CYP4F3: variants seen among roughly 807,000 people sequenced by gnomAD.
The protein encoded by CYP4F3 is cytochrome P450 family 4 subfamily F member 3.
In CYP4F3, 50 loss-of-function variants were observed where a neutral mutation model predicts 54.8. That is an observed-to-expected ratio of 0.91 (90% CI 0.73 to 1.16). The LOEUF is 1.16. Among genes scored for constraint, CYP4F3 ranks in the 50% most tolerant of loss-of-function variants. The pLI is 0.00. For synonymous variants in CYP4F3, 244 were observed against 262.6 expected (o/e 0.93, Z 0.69); for missense variants, 715 against 676.2 (o/e 1.06, Z -0.64).
chr19:15,654,887 C>T lies in CYP4F3; in HGVS notation c.1115+1935C>T, dbSNP rs539640689. ...GATAGAAATTTCTTCTCTTTCTTTT[C>T]AGTAGTGGAATTTCTGGGTTATATG... On this transcript the variant is annotated intron_variant, in intron 9 of 12. Transcript: ENST00000221307. Among the ~76,000 whole-genome samples, 104 of 152,194 alleles carry T rather than the reference C, an allele frequency of 6.8e-4. No individual in the cohort carries two copies. The Middle Eastern group carries it at 0.01, about 15-fold the overall frequency.
In CYP4F3 at chr19:15,660,978, A is replaced by G. The variant is rs569627948; in HGVS notation, c.*1593A>G. 16 of 152,262 alleles carry G rather than the reference A, an allele frequency of 1.1e-4. No individual in the cohort carries two copies. Among genetic ancestry groups the G allele is most frequent in the Non-Finnish European group, 1.3e-4 (9 of 68,054 alleles). The allele number at this position is 152,262 out of a possible 1,614,324, so 9.4% of individuals were successfully genotyped here. On this transcript the variant is annotated 3_prime_UTR_variant, in exon 13 of 13. Transcript: ENST00000221307. Reference sequence around the variant, plus strand: ...GTGATCCACCCGCCTCGGCCTCCCAAAGTGCTGGGATTACAGGCCCGGTCC... The same window carrying G: ...GTGATCCACCCGCCTCGGCCTCCCAGAGTGCTGGGATTACAGGCCCGGTCC...
intron 2 of CYP4F3, among the ~76,000 whole-genome samples, chr19:15,645,323 TG>T (rs1309326389): frequency 2.0e-5 from 3 of 152,200 alleles, no homozygotes; most frequent in African/African-American, 7.2e-5. Context: ...GCTACTGTTT[TG>T]GGGGCACAAA....
rs1242831058 is a variant in CYP4F3, at chr19:15,659,973, T to A, written c.*588T>A. The A allele has an allele frequency of 6.6e-6, 1 of 152,366 alleles. No individual in the cohort carries two copies. The highest frequency in any genetic ancestry group is 2.4e-5 in the African/African-American group (1 of 41,466). The allele number at this position is 152,366 out of a possible 1,614,324, so 9.4% of individuals were successfully genotyped here. Reference sequence around the variant, plus strand: ...GTGAGTGCACTAAATGCTATTGAATTGGACACTTTAGAATGGTTGAAATAG... The same window carrying A: ...GTGAGTGCACTAAATGCTATTGAATAGGACACTTTAGAATGGTTGAAATAG... On this transcript the variant is annotated 3_prime_UTR_variant, in exon 13 of 13. Coordinates refer to ENST00000221307, the MANE Select transcript of CYP4F3 (RefSeq NM_000896.3).
At chr19:15,653,506 C>A (rs28371538) in intron 9 of CYP4F3, among the ~76,000 whole-genome samples, 7,455 of 152,206 alleles carry the variant, frequency 0.049, 280 homozygotes, top group South Asian at 0.19. Flanking sequence ...AACCAGGGAT[C>A]TATTTTCCAG....
chr19:15,658,460 ATT>A (rs1973091467), intron 10 of CYP4F3, 29 bp from the exon 11 acceptor site: 1 of 1,613,718 alleles, frequency 6.2e-7, no homozygotes, highest in Non-Finnish European at 8.5e-7. Flanking sequence ...GGCAGGGAGC[ATT>A]GTCCTGACTG....
At chr19:15,643,109 G>C (rs2144630699) in intron 2 of CYP4F3, among the ~76,000 whole-genome samples, 1 of 150,028 alleles carries the variant, frequency 6.7e-6, no homozygotes, top group Non-Finnish European at 1.5e-5. Context: ...TGGGCAGATA[G>C]ATATATAGAT....
At chr19:15,658,839 CG>C (rs1301450650) in intron 12 of CYP4F3, 30 bp downstream of exon 12, 15 of 1,611,896 alleles carry the variant, frequency 9.3e-6, no homozygotes, top group Non-Finnish European at 1.1e-5. Flanking sequence ...GAGGCGGGGA[CG>C]GGGAGATAGG....
Position 15,659,308 on chromosome 19 carries a change from A to T in CYP4F3, c.1486A>T (p.Thr496Ser), listed in dbSNP as rs761890395. 4.3e-5 allele frequency: 70 copies of T among 1,613,494 alleles called. No homozygotes were observed. The highest frequency in any genetic ancestry group is 5.8e-5 in the Non-Finnish European group (69 of 1,179,852). ...GCGCTTCCGCGTCCTGCCTGACCAC[A>T]CCGAGCCCCGCAGGAAGCCGGAGCT... ...LLRFRVLPDHTEPRRKPELVL... is the reference protein window; with the variant it reads ...LLRFRVLPDHSEPRRKPELVL... Residue 496 changes from threonine (T) to serine (S), a missense_variant, in exon 13 of 13, where the codon ACC (threonine) becomes TCC (serine). By Grantham distance (58) the Thr-to-Ser change is moderately conservative. Transcript: ENST00000221307.
chr19:15,651,368 T>A (rs1386349861), intron 7 of CYP4F3, among the ~76,000 whole-genome samples: 3 of 92,322 alleles, frequency 3.2e-5, no homozygotes, highest in Admixed American at 1.2e-4. Flanking sequence ...ATCTATATCT[T>A]TGTCTTTTTT....
intron 9 of CYP4F3, among the ~76,000 whole-genome samples, chr19:15,653,760 GA>G (rs1972936400): frequency 1.3e-5 from 2 of 150,198 alleles, no homozygotes; most frequent in Non-Finnish European, 3.0e-5. Flanking sequence ...GAGAGAGAGA[GA>G]GAGAGAGAGA....
At chr19:15,650,408 TAA>T in intron 7 of CYP4F3, 1 of 831,140 alleles carries the variant, frequency 1.2e-6, no homozygotes. Flanking sequence ...ACTCTATTTA[TAA>T]GTTAATAAGC....
intron 5 of CYP4F3, among the ~76,000 whole-genome samples, chr19:15,648,525 G>A (rs1177579043): frequency 6.6e-6 from 1 of 152,076 alleles, no homozygotes; most frequent in African/African-American, 2.4e-5. Flanking sequence ...CAGAAAGGGT[G>A]CTCAGGACTC....
In CYP4F3 at chr19:15,662,670, T is replaced by C. The variant is rs1467702679; in HGVS notation, c.*3285T>C. On this transcript the variant is annotated 3_prime_UTR_variant, in exon 13 of 13. Transcript: ENST00000221307. ...GATATTGATTCTCCCAATTCATGAATATAGTATACCCCTGTATTTATTTGT... is the reference window on the plus strand; with the variant it reads ...GATATTGATTCTCCCAATTCATGAACATAGTATACCCCTGTATTTATTTGT... 6.6e-6 allele frequency: 1 copy of C among 152,234 alleles called. No homozygotes were observed. Among genetic ancestry groups the C allele is most frequent in the Non-Finnish European group, 1.5e-5 (1 of 68,040 alleles). The allele number at this position is 152,234 out of a possible 1,614,324, so 9.4% of individuals were successfully genotyped here.
chr19:15,662,291 A>AAAAAAAT lies in CYP4F3; in HGVS notation c.*2907_*2908insAAAAATA. On this transcript the variant is annotated 3_prime_UTR_variant, in exon 13 of 13. Transcript: ENST00000221307. The stretch of plus-strand genomic sequence containing the variant: ...CTCTCTCAAAAAAAAAAAAAAAAAA[A>AAAAAAAT]AGGAAAGAAAGAAAGAAAAGAAAAG... 6.8e-6 allele frequency: 1 copy of AAAAAAAT among 147,138 alleles called. No individual in the cohort carries two copies. Among genetic ancestry groups the AAAAAAAT allele is most frequent in the African/African-American group, 2.5e-5 (1 of 39,740 alleles). 9.1% of individuals were successfully genotyped at this position (147,138 alleles called of 1,614,324 possible).
chr19:15,645,098 T>G (rs1972583718), intron 2 of CYP4F3, among the ~76,000 whole-genome samples: 1 of 152,186 alleles, frequency 6.6e-6, no homozygotes, highest in Non-Finnish European at 1.5e-5. Flanking sequence ...GGCTTTAGCT[T>G]TTTCCACGCC....
chr19:15,649,383 G>T, intron 6 of CYP4F3, 102 bp downstream of exon 6: 2 of 1,580,728 alleles, frequency 1.3e-6, no homozygotes, highest in Non-Finnish European at 1.7e-6. Context: ...AACCTTCTTG[G>T]AGGAGTTGTT....
At chr19:15,656,082 C>A (rs369696715) in intron 9 of CYP4F3, among the ~76,000 whole-genome samples, 1 of 152,098 alleles carries the variant, frequency 6.6e-6, no homozygotes, top group African/African-American at 2.4e-5. Context: ...GTCCCTCCCC[C>A]ACCCCTGGCC....
intron 2 of CYP4F3, among the ~76,000 whole-genome samples, chr19:15,643,548 G>A (rs1003945440): frequency 3.9e-5 from 6 of 152,152 alleles, no homozygotes; most frequent in Admixed American, 3.3e-4. Flanking sequence ...GATGCGTCAT[G>A]GACTGCTGTC....
chr19:15,644,637 T>C lies in CYP4F3; in HGVS notation c.199-1082T>C, dbSNP rs1037080930. Among the ~76,000 whole-genome samples, 7 of 152,374 alleles carry C rather than the reference T, an allele frequency of 4.6e-5. No individual in the cohort carries two copies. The South Asian group carries it at 6.2e-4, about 14-fold the overall frequency. ...AGGATCTGGACTGTTATTTCTGTGA[T>C]GTCCATCTCTGGTGTGGGTCAAGTC... On this transcript the variant is annotated intron_variant, in intron 2 of 12. Transcript: ENST00000221307.
Sources: gnomAD v4.1 joint callset for allele counts (sites outside exome capture counted in the v4.1 genomes callset) on GRCh38, gnomAD v4.1.1 for gene constraint, MANE v1.5 for transcripts, NCBI Gene and HGNC (gene_info 2026-07-23, HGNC 2026-07-21) for gene names.